Variants in WDR90 observed in about 807,000 individuals in gnomAD.
WDR90 encodes the protein WD repeat domain 90.
WDR90 carries 238 observed loss-of-function variants against 195.2 expected under a neutral mutation model. That is an observed-to-expected ratio of 1.22 (90% CI 1.10 to 1.36). The LOEUF (loss-of-function observed/expected upper bound fraction) is 1.36. Ranked by LOEUF, WDR90 falls within the 40% of genes most tolerant of loss-of-function variation. WDR90 has a pLI of 0.00. For missense variants in WDR90, 2,734 were observed against 2,439.5 expected, an observed-to-expected ratio of 1.12 and a Z score of -2.54; for synonymous variants, 1,265 against 1,052.4, an observed-to-expected ratio of 1.20 and a Z score of -3.91.
intron 37 of WDR90, 28 bp downstream of exon 37, chr16:666,378 G>C (rs1216540559): frequency 6.2e-7 from 1 of 1,611,572 alleles, no homozygotes; most frequent in African/African-American, 1.3e-5. Context: ...GCTGGGGAGA[G>C]GGGGCCTGGG....
Position 653,631 on chromosome 16 carries a change from G to A in WDR90, c.1340G>A (p.Cys447Tyr). Reference protein sequence around the residue: ...LWDFQTGRCLCLFRSPMHVVC... With the variant: ...LWDFQTGRCLYLFRSPMHVVC... ...GACTTCCAGACCGGGCGGTGCTTGTGCCTGTTCCGGAGCCCAATGCACGTT... is the reference window on the plus strand; with the variant it reads ...GACTTCCAGACCGGGCGGTGCTTGTACCTGTTCCGGAGCCCAATGCACGTT... Residue 447 changes from cysteine (C) to tyrosine (Y), a missense_variant, in exon 12 of 41, where the codon TGC becomes TAC. Physicochemically the swap from Cys to Tyr is radical, Grantham distance 194. Coordinates refer to ENST00000293879, the MANE Select transcript of WDR90 (RefSeq NM_145294.5). 6.2e-7 allele frequency: 1 copy of A among 1,613,548 alleles called. No individual in the cohort carries two copies.
chr16:664,590 C>T (rs924226739), intron 34 of WDR90, among the ~76,000 whole-genome samples: 3 of 152,192 alleles, frequency 2.0e-5, no homozygotes, highest in Non-Finnish European at 2.9e-5. Flanking sequence ...CTGGACTTTG[C>T]CGTTTCCTTG....
Position 657,831 on chromosome 16 carries a change from T to G in WDR90, c.2543T>G (p.Leu848Arg), listed in dbSNP as rs2037794200. 6.3e-7 allele frequency: 1 copy of G among 1,580,066 alleles called. No homozygotes were observed. Among genetic ancestry groups the G allele is most frequent in the Admixed American group, 1.8e-5 (1 of 55,042 alleles). The change falls in exon 21 of 41, where the codon CTG (leucine) becomes CGG (arginine). Residue 848 changes from leucine to arginine, a missense_variant. Physicochemically the swap from Leu to Arg is moderately radical, Grantham distance 102. Coordinates refer to ENST00000293879, the MANE Select transcript of WDR90 (RefSeq NM_145294.5). ...GCAGTCAGCAGGGATGGCCGCCTGC[T>G]GGCCTTTGTGGGACCCTCCAGGTGC... ...ALAVSRDGRL[L>R]AFVGPSRCTV...
At position 651,026 on chromosome 16, in the gene WDR90, C is replaced by T. The variant is rs370359387; in HGVS notation, c.591C>T (p.Pro197=). 4.4e-5 allele frequency: 71 copies of T among 1,613,266 alleles called. No individual in the cohort carries two copies. Among genetic ancestry groups the T allele is most frequent in the Non-Finnish European group, 5.3e-5 (63 of 1,179,942 alleles). Residue 197 remains proline, a synonymous_variant, in exon 6 of 41, where the codon CCC becomes CCT. Transcript: ENST00000293879. ...CTGGGGCCCAGTGGGCAAAGCTGCC[C>T]GTGACTCCTATGCCTCGGGAAATGG... The part of the protein sequence containing the change: ...AISGAQWAKL[P]VTPMPREMAF...
chr16:651,330 A>G, intron 7 of WDR90, 64 bp downstream of exon 7: 1 of 1,568,082 alleles, frequency 6.4e-7, no homozygotes. Context: ...GCTCGGTAGG[A>G]GAGGGCAGGG....
At chr16:660,913 AGCTGGGACGAT>A in intron 28 of WDR90, 127 bp from the exon 29 acceptor site, 1 of 646,146 alleles carries the variant, frequency 1.5e-6, no homozygotes, top group Non-Finnish European at 2.0e-6. Context: ...GGGAGGGCGC[AGCTGGGACGAT>A]GCTAACCCCT....
Position 667,668 on chromosome 16 carries a change from G to A in WDR90, c.*79G>A, listed in dbSNP as rs1175499207. On this transcript the variant is annotated 3_prime_UTR_variant, in exon 41 of 41. Coordinates refer to ENST00000293879, the MANE Select transcript of WDR90 (RefSeq NM_145294.5). ...GGACACAGGCTTGGCAGAGGCGCCAGGTTGTCAATGGCCTCATGCTGGGAC... is the reference window on the plus strand; with the variant it reads ...GGACACAGGCTTGGCAGAGGCGCCAAGTTGTCAATGGCCTCATGCTGGGAC... 1.3e-6 allele frequency: 2 copies of A among 1,576,408 alleles called. No homozygotes were observed. Among genetic ancestry groups the A allele is most frequent in the Non-Finnish European group, 8.6e-7 (1 of 1,166,592 alleles).
In WDR90 at chr16:658,566, C is replaced by T. The variant is rs1443632079; in HGVS notation, c.2808C>T (p.Leu936=). 1 of 1,612,590 alleles carries T rather than the reference C, an allele frequency of 6.2e-7. No homozygotes were observed. The highest frequency in any genetic ancestry group is 1.3e-5 in the African/African-American group (1 of 74,944). ...VHPEPCPSLT[L]SEDARFLLIA... Reference sequence around the variant, plus strand: ...CTGAGCCCTGCCCCTCCTTGACGCTCAGTGAGGACGCCCGCTTCCTGCTGA... The same window carrying T: ...CTGAGCCCTGCCCCTCCTTGACGCTTAGTGAGGACGCCCGCTTCCTGCTGA... The change falls in exon 23 of 41, where the codon CTC becomes CTT. Residue 936 remains leucine, a synonymous_variant. Coordinates refer to ENST00000293879, the MANE Select transcript of WDR90 (RefSeq NM_145294.5).
chr16:660,469 C>G, intron 27 of WDR90, 143 bp from the exon 28 acceptor site: 1 of 843,722 alleles, frequency 1.2e-6, no homozygotes. Context: ...GCTCCCACAC[C>G]TCCTACCCCA....
intron 4 of WDR90, 49 bp downstream of exon 4, chr16:650,411 A>C: frequency 6.3e-7 from 1 of 1,595,388 alleles, no homozygotes; most frequent in South Asian, 1.1e-5. Flanking sequence ...GGCTGGAGGG[A>C]GTTGGTGCAG....
At position 650,556 on chromosome 16, in the gene WDR90, C is replaced by T. The variant is rs1323708940; in HGVS notation, c.406C>T (p.Pro136Ser). The T allele has an allele frequency of 1.2e-6, 2 of 1,609,876 alleles. No individual in the cohort carries two copies. The highest frequency in any genetic ancestry group is 1.3e-5 in the African/African-American group (1 of 74,878). ...TCCTGCAGATCTGGTGGGTTTGGCC[C>T]CCTCCGGAGCCCGCTGGACCTGCCT... is the stretch of plus-strand genomic sequence containing the variant. Reference protein sequence around the residue: ...TPQRDLVGLAPSGARWTCLQL... With the variant: ...TPQRDLVGLASSGARWTCLQL... The change falls in exon 5 of 41, where the codon CCC becomes TCC. Residue 136 changes from proline (P) to serine (S), a missense_variant. Transcript: ENST00000293879.
upstream of WDR90, chr16:649,183 C>T (rs1456804107): frequency 2.4e-6 from 1 of 423,368 alleles, no homozygotes; most frequent in Non-Finnish European, 4.0e-6. Flanking sequence ...AGGGGGCTGC[C>T]TTGGGAGGCC....
At chr16:666,632 G>T (rs73487477) in intron 38 of WDR90, 34 bp downstream of exon 38, 2 of 1,610,944 alleles carry the variant, frequency 1.2e-6, no homozygotes, top group South Asian at 2.2e-5. Context: ...GGGTGGGGCC[G>T]GTACCCATCC....
At position 660,730 on chromosome 16, in the gene WDR90, C is replaced by G; in HGVS notation, c.3391+16C>G. On this transcript the variant is annotated intron_variant, in intron 28 of 40. Coordinates refer to ENST00000293879, the MANE Select transcript of WDR90 (RefSeq NM_145294.5). ...CCGGACACAGGTGGGGGCCAAGAGC[C>G]TACCCCCACCCCCAGCCAAGATGCG... 6.5e-7 allele frequency: 1 copy of G among 1,537,770 alleles called. No homozygotes were observed. Among genetic ancestry groups the G allele is most frequent in the South Asian group, 1.2e-5 (1 of 84,152 alleles).
At chr16:652,677 C>G (rs2072879) in intron 10 of WDR90, 142 bp downstream of exon 10, 213,935 of 854,652 alleles carry the variant, frequency 0.25, 32,142 homozygotes, top group East Asian at 0.68. Flanking sequence ...CGGTCCCGTC[C>G]CCCTGCAGTC....
chr16:667,736 A>G lies in WDR90; in HGVS notation c.*147A>G. The G allele has an allele frequency of 2.4e-6, 3 of 1,257,848 alleles. No individual in the cohort carries two copies. The highest frequency in any genetic ancestry group is 3.4e-6 in the Non-Finnish European group (3 of 894,764). 77.9% of individuals were successfully genotyped at this position (1,257,848 alleles called of 1,614,324 possible). A position where few individuals can be genotyped will look rare whatever the true frequency, so the allele number is the denominator to read the frequency against. On this transcript the variant is annotated 3_prime_UTR_variant, in exon 41 of 41. Transcript: ENST00000293879. ...AATCGCCTGGAGCAAGCTGTTGTAA[A>G]TTTGGCGCCCTGTGAATACTTTCAT...
intron 28 of WDR90, 27 bp downstream of exon 28, chr16:660,741 C>G: frequency 1.3e-6 from 2 of 1,531,416 alleles, no homozygotes; most frequent in South Asian, 1.2e-5. Flanking sequence ...TACCCCCACC[C>G]CCAGCCAAGA....
Position 649,864 on chromosome 16 carries a change from C to A in WDR90, c.102+10C>A. 1 of 1,576,188 alleles carries A rather than the reference C, an allele frequency of 6.3e-7. No individual in the cohort carries two copies. The highest frequency in any genetic ancestry group is 8.6e-7 in the Non-Finnish European group (1 of 1,161,558). ...CGTGGCCGTGGTCACGGTAGGCGGC[C>A]GGGGGCTCGCCCGGAGCCCACACCC... On this transcript the variant is annotated intron_variant, in intron 2 of 40. Coordinates refer to ENST00000293879, the MANE Select transcript of WDR90 (RefSeq NM_145294.5).
At chr16:656,642 C>G in intron 18 of WDR90, 90 bp from the exon 19 acceptor site, 1 of 1,569,160 alleles carries the variant, frequency 6.4e-7, no homozygotes, top group Non-Finnish European at 8.7e-7. Flanking sequence ...ACTTTCCAGC[C>G]TGTGTCGGCC....
Sources: allele counts gnomAD v4.1 joint callset (sites outside exome capture counted in the v4.1 genomes callset), GRCh38; gene constraint gnomAD v4.1.1; transcripts MANE v1.5; gene names NCBI Gene and HGNC (gene_info 2026-07-23, HGNC 2026-07-21).